NDUFS4: variants seen among roughly 807,000 people sequenced by gnomAD.
NDUFS4 encodes the protein NADH:ubiquinone oxidoreductase subunit S4, also known as NADH dehydrogenase [ubiquinone] iron-sulfur protein 4, mitochondrial.
A neutral mutation model predicts 24.3 loss-of-function variants in NDUFS4; 28 were observed. The ratio of observed to expected loss-of-function variants is 1.15; its 90% CI spans 0.85 to 1.58. The LOEUF is 1.58. NDUFS4 is among the 40% of genes most tolerant of loss of function. The pLI, the probability that NDUFS4 is intolerant of heterozygous loss-of-function variation, is 0.00. For missense variants in NDUFS4, 223 were observed against 207.9 expected (o/e 1.07, Z -0.45); for synonymous variants, 93 against 69.7 (o/e 1.34, Z -1.67).
intron 4 of NDUFS4, among the ~76,000 whole-genome samples, chr5:53,677,513 A>G (rs114881013): frequency 1.3e-5 from 2 of 152,172 alleles, no homozygotes; most frequent in South Asian, 2.1e-4. Context: ...TTTACCCCCT[A>G]CTGTACCCCA....
chr5:53,622,157 G>A (rs1374953344), intron 2 of NDUFS4, among the ~76,000 whole-genome samples: 1 of 151,808 alleles, frequency 6.6e-6, no homozygotes, highest in Non-Finnish European at 1.5e-5. Flanking sequence ...TTTTCCTTTA[G>A]CCTAAAGAGC....
At chr5:53,680,209 A>G (rs13153204) in intron 4 of NDUFS4, among the ~76,000 whole-genome samples, 3 of 152,124 alleles carry the variant, frequency 2.0e-5, no homozygotes, top group African/African-American at 7.2e-5. Context: ...GATATATATT[A>G]TAATGCCTTC....
At position 53,658,450 on chromosome 5, in the gene NDUFS4, G is replaced by A. The variant is rs1490769; in HGVS notation, c.351-101G>A. ...ACAAATAAAATATTCCATCAATAAT[G>A]TACTTATTTGATTTTATAGTAGCTG... On this transcript the variant is annotated intron_variant, in intron 3 of 4. Coordinates refer to ENST00000296684, the MANE Select transcript of NDUFS4 (RefSeq NM_002495.4). 233,842 of 770,592 alleles carry A rather than the reference G, an allele frequency of 0.3. 38,046 individuals carry two copies. The highest frequency in any genetic ancestry group is 0.51 in the African/African-American group (29,166 of 56,960). 47.7% of individuals were successfully genotyped at this position (770,592 alleles called of 1,614,324 possible). A position where few individuals can be genotyped will look rare whatever the true frequency, so the allele number is the denominator to read the frequency against.
intron 2 of NDUFS4, among the ~76,000 whole-genome samples, chr5:53,631,481 C>T (rs1390743126): frequency 6.6e-6 from 1 of 152,180 alleles, no homozygotes; most frequent in Non-Finnish European, 1.5e-5. Flanking sequence ...AAGCTGTGCC[C>T]ACAGCTGCCC....
chr5:53,583,098 C>A (rs192094448), intron 1 of NDUFS4, among the ~76,000 whole-genome samples: 3 of 152,034 alleles, frequency 2.0e-5, no homozygotes, highest in Admixed American at 6.6e-5. Context: ...AGGATGGTCT[C>A]GATTTCCTGA....
chr5:53,562,215 G>A (rs1355845852), intron 1 of NDUFS4, among the ~76,000 whole-genome samples: 1 of 152,032 alleles, frequency 6.6e-6, no homozygotes, highest in Admixed American at 6.5e-5. Context: ...TGTTGGTCAG[G>A]CTGGGTTAAG....
intron 1 of NDUFS4, among the ~76,000 whole-genome samples, chr5:53,587,136 T>C (rs902913355): frequency 2.6e-5 from 4 of 152,090 alleles, no homozygotes; most frequent in African/African-American, 9.7e-5. Flanking sequence ...GTTATATATA[T>C]ATAAAATAAA....
rs559807773 is a variant in NDUFS4, at chr5:53,683,095, T to G, written c.425-23T>G. On this transcript the variant is annotated intron_variant, in intron 4 of 4. Transcript: ENST00000296684. ...CCTCTTTAATTCTGTTTCTGTGGAT[T>G]TGTCTTTGTTTTTTCCTCCTAGGAT... is the stretch of plus-strand genomic sequence containing the variant. 83 of 1,459,884 alleles carry G rather than the reference T, an allele frequency of 5.7e-5. No homozygotes were observed. In the South Asian group the frequency reaches 8.3e-4, roughly 15 times the overall value. The allele number at this position is 1,459,884 out of a possible 1,614,324, so 90.4% of individuals were successfully genotyped here.
chr5:53,668,709 C>T (rs553400459), intron 4 of NDUFS4, among the ~76,000 whole-genome samples: 1 of 151,844 alleles, frequency 6.6e-6, no homozygotes, highest in Non-Finnish European at 1.5e-5. Flanking sequence ...GATCCACCTG[C>T]CTTGGCCTCC....
At chr5:53,580,400 C>T (rs981098965) in intron 1 of NDUFS4, among the ~76,000 whole-genome samples, 1 of 152,174 alleles carries the variant, frequency 6.6e-6, no homozygotes, top group Non-Finnish European at 1.5e-5. Flanking sequence ...ATGTGAGTCT[C>T]CTTTGGAGGG....
intron 1 of NDUFS4, among the ~76,000 whole-genome samples, chr5:53,585,366 T>C (rs779375664): frequency 7.9e-5 from 12 of 152,190 alleles, no homozygotes; most frequent in Non-Finnish European, 1.3e-4. Context: ...TAAATAATTG[T>C]TGAGTTTTTC....
intron 1 of NDUFS4, among the ~76,000 whole-genome samples, chr5:53,598,429 C>T: frequency 6.6e-6 from 1 of 152,256 alleles, no homozygotes; most frequent in South Asian, 2.1e-4. Flanking sequence ...GTGATTCTTG[C>T]ATAGGATTTC....
intron 2 of NDUFS4, among the ~76,000 whole-genome samples, chr5:53,609,047 G>T (rs150941282): frequency 5.3e-5 from 8 of 152,240 alleles, no homozygotes; most frequent in South Asian, 4.1e-4. Context: ...GGGGACTAAG[G>T]TTCTCCCAGT....
chr5:53,652,630 T>C (rs2112514801), intron 3 of NDUFS4, among the ~76,000 whole-genome samples: 1 of 152,346 alleles, frequency 6.6e-6, no homozygotes, highest in Non-Finnish European at 1.5e-5. Flanking sequence ...TAAATGTGTT[T>C]GATCTTTGTT....
intron 2 of NDUFS4, among the ~76,000 whole-genome samples, chr5:53,636,632 G>A (rs1196629837): frequency 6.6e-6 from 1 of 152,096 alleles, no homozygotes; most frequent in Admixed American, 6.6e-5. Flanking sequence ...TAAACTTAGT[G>A]ATATGGTTCG....
At chr5:53,633,463 A>G (rs1305591301) in intron 2 of NDUFS4, among the ~76,000 whole-genome samples, 2 of 152,148 alleles carry the variant, frequency 1.3e-5, no homozygotes, top group Non-Finnish European at 2.9e-5. Flanking sequence ...GAAGAATCTG[A>G]ACAAAAAGCC....
At chr5:53,575,248 C>G (rs1181775859) in intron 1 of NDUFS4, among the ~76,000 whole-genome samples, 1 of 152,144 alleles carries the variant, frequency 6.6e-6, no homozygotes, top group African/African-American at 2.4e-5. Context: ...AGACTCACTG[C>G]TAGTTCAGTG....
chr5:53,562,189 A>G (rs1026716591), intron 1 of NDUFS4, among the ~76,000 whole-genome samples: 2 of 152,034 alleles, frequency 1.3e-5, no homozygotes, highest in African/African-American at 4.8e-5. Context: ...TTTTTAGTAG[A>G]GGCGGGGTTT....
chr5:53,653,036 T>C (rs1423079918), intron 3 of NDUFS4, among the ~76,000 whole-genome samples: 2 of 152,278 alleles, frequency 1.3e-5, no homozygotes, highest in African/African-American at 4.8e-5. Context: ...AACCTAAAAA[T>C]GATTTATTTT....
Sources: gnomAD v4.1 joint callset for allele counts (sites outside exome capture counted in the v4.1 genomes callset) on GRCh38, gnomAD v4.1.1 for gene constraint, MANE v1.5 for transcripts, NCBI Gene and HGNC (gene_info 2026-07-23, HGNC 2026-07-21) for gene names.